The following CSMD1 variants were observed in gnomAD, a reference collection of about 807,000 sequenced individuals.
CSMD1 encodes CUB and sushi domain-containing protein 1.
Under a neutral mutation model 417.5 loss-of-function variants are expected in CSMD1, and 213 were observed. The ratio of observed to expected loss-of-function variants is 0.51; its 90% CI spans 0.46 to 0.57. CSMD1 has a LOEUF of 0.57. Among genes scored for constraint, CSMD1 ranks in the 20% least tolerant of loss-of-function variants. The pLI, the probability that CSMD1 is intolerant of heterozygous loss-of-function variation, is 0.00. For synonymous variants in CSMD1, 2,862 were observed against 1,736.8 expected (o/e 1.65, Z -16.11); for missense variants, 6,923 against 4,529.7 (o/e 1.53, Z -15.17).
intron 5 of CSMD1, among the ~76,000 whole-genome samples, chr8:3,949,480 A>G (rs960348283): frequency 5.3e-5 from 8 of 152,190 alleles, no homozygotes; most frequent in African/African-American, 1.9e-4. Flanking sequence ...CCAATACTAT[A>G]TAAATTAAAA....
chr8:3,757,377 T>A (rs940021683), intron 5 of CSMD1, among the ~76,000 whole-genome samples: 2 of 152,206 alleles, frequency 1.3e-5, no homozygotes, highest in East Asian at 3.8e-4. Context: ...GCAGTGGGTG[T>A]GTTCCAATAA....
chr8:3,806,234 G>C (rs1380749043), intron 5 of CSMD1, among the ~76,000 whole-genome samples: 1 of 152,134 alleles, frequency 6.6e-6, no homozygotes, highest in Admixed American at 6.5e-5. Flanking sequence ...AGATTATGGA[G>C]TACATGCAGG....
At chr8:4,243,309 G>A (rs1019860096) in intron 3 of CSMD1, among the ~76,000 whole-genome samples, 2 of 152,006 alleles carry the variant, frequency 1.3e-5, no homozygotes, top group African/African-American at 2.4e-5. Flanking sequence ...AAAGGCTCTT[G>A]GCTAAATCTG....
intron 2 of CSMD1, among the ~76,000 whole-genome samples, chr8:4,434,952 T>C (rs894853993): frequency 6.6e-6 from 1 of 152,180 alleles, no homozygotes; most frequent in Non-Finnish European, 1.5e-5. Flanking sequence ...AAACCAATTA[T>C]TTCCTATAGA....
chr8:4,161,697 T>C (rs534777547), intron 3 of CSMD1, among the ~76,000 whole-genome samples: 1 of 152,198 alleles, frequency 6.6e-6, no homozygotes, highest in Non-Finnish European at 1.5e-5. Context: ...CAGAAAAATC[T>C]GCCACGAATC....
intron 2 of CSMD1, among the ~76,000 whole-genome samples, chr8:4,458,847 G>T (rs914765381): frequency 6.6e-6 from 1 of 152,118 alleles, no homozygotes; most frequent in African/African-American, 2.4e-5. Context: ...CAGAACTGAG[G>T]CAAGCGTAGC....
intron 5 of CSMD1, among the ~76,000 whole-genome samples, chr8:3,924,251 G>T (rs530361082): frequency 2.0e-5 from 3 of 152,274 alleles, no homozygotes; most frequent in Admixed American, 6.5e-5. Flanking sequence ...TGATGTTCTT[G>T]TAGGGATACC....
At chr8:3,768,808 T>A (rs535104244) in intron 5 of CSMD1, among the ~76,000 whole-genome samples, 5 of 152,352 alleles carry the variant, frequency 3.3e-5, no homozygotes, top group Non-Finnish European at 7.3e-5. Flanking sequence ...GCTGGTAACT[T>A]GCTAATCCAT....
chr8:3,756,082 C>G (rs571569874), intron 5 of CSMD1, among the ~76,000 whole-genome samples: 30 of 152,038 alleles, frequency 2.0e-4, no homozygotes, highest in African/African-American at 7.0e-4. Flanking sequence ...TGTGGCCGGG[C>G]GCAGTGGCTC....
intron 6 of CSMD1, among the ~76,000 whole-genome samples, chr8:3,715,004 A>G (rs1448207225): frequency 6.6e-6 from 1 of 152,158 alleles, no homozygotes; most frequent in African/African-American, 2.4e-5. Flanking sequence ...TAGAATTTAG[A>G]ATTGCTTTCA....
At chr8:4,955,766 A>G (rs1025267819) in intron 1 of CSMD1, among the ~76,000 whole-genome samples, 11 of 72,224 alleles carry the variant, frequency 1.5e-4, no homozygotes, top group African/African-American at 4.0e-4. Context: ...CCTCTCTTCC[A>G]AACTGCATGT....
chr8:3,143,359 G>T (rs537204437), intron 40 of CSMD1, among the ~76,000 whole-genome samples: 1 of 152,186 alleles, frequency 6.6e-6, no homozygotes, highest in East Asian at 1.9e-4. Context: ...CTAATCAACC[G>T]CACCATAACT....
intron 1 of CSMD1, among the ~76,000 whole-genome samples, chr8:4,957,984 A>G (rs577961042): frequency 8.5e-5 from 13 of 152,160 alleles, no homozygotes; most frequent in African/African-American, 1.4e-4. Flanking sequence ...TATTTTTTCC[A>G]TAATTGTGTG....
intron 3 of CSMD1, among the ~76,000 whole-genome samples, chr8:4,314,725 T>C (rs914452200): frequency 2.0e-5 from 3 of 152,226 alleles, no homozygotes; most frequent in Non-Finnish European, 4.4e-5. Flanking sequence ...CACACATACA[T>C]CCTGTTTTCT....
intron 1 of CSMD1, among the ~76,000 whole-genome samples, chr8:4,959,574 G>A (rs532461815): frequency 1.1e-4 from 17 of 152,316 alleles, no homozygotes; most frequent in Non-Finnish European, 1.2e-4. Context: ...ATTATCACCC[G>A]ATACCTATCT....
At chr8:4,754,395 T>C (rs920018159) in intron 1 of CSMD1, among the ~76,000 whole-genome samples, 6 of 151,928 alleles carry the variant, frequency 3.9e-5, no homozygotes, top group Non-Finnish European at 5.9e-5. Flanking sequence ...TGATCTGTAG[T>C]GTCATATCCC....
chr8:3,157,754 C>G (rs1819623466), intron 39 of CSMD1, 143 bp downstream of exon 39: 2 of 661,496 alleles, frequency 3.0e-6, no homozygotes, highest in South Asian at 3.7e-5. Flanking sequence ...TCATTCTGCT[C>G]TACTGCATTA....
chr8:3,786,663 T>A (rs1218202981), intron 5 of CSMD1, among the ~76,000 whole-genome samples: 1 of 152,178 alleles, frequency 6.6e-6, no homozygotes, highest in African/African-American at 2.4e-5. Flanking sequence ...TATGATAAAA[T>A]ACTACAGACT....
intron 3 of CSMD1, among the ~76,000 whole-genome samples, chr8:4,404,804 C>T (rs985216154): frequency 6.6e-6 from 1 of 152,026 alleles, no homozygotes; most frequent in Non-Finnish European, 1.5e-5. Context: ...TAAATATGTT[C>T]TATGGGTACA....
Sources: allele counts gnomAD v4.1 joint callset (sites outside exome capture counted in the v4.1 genomes callset), GRCh38; gene constraint gnomAD v4.1.1; transcripts MANE v1.5; gene names NCBI Gene and HGNC (gene_info 2026-07-23, HGNC 2026-07-21).